ZFHX3: variants seen among roughly 807,000 people sequenced by gnomAD.
ZFHX3 encodes zinc finger homeobox 3, also known as zinc finger homeobox protein 3.
A neutral mutation model predicts 279.1 loss-of-function variants in ZFHX3; 42 were observed. That is an observed-to-expected ratio of 0.15 (90% CI 0.12 to 0.19). ZFHX3 has a LOEUF of 0.19. Among genes scored for constraint, ZFHX3 ranks in the 10% least tolerant of loss-of-function variants. ZFHX3 has a pLI of 1.00. For synonymous variants in ZFHX3, 2,293 were observed against 1,957.8 expected (o/e 1.17, Z -4.52); for missense variants, 4,981 against 4,754.0 (o/e 1.05, Z -1.40).
intron 8 of ZFHX3, among the ~76,000 whole-genome samples, chr16:73,087,128 T>C (rs1277778552): frequency 6.6e-6 from 1 of 152,132 alleles, no homozygotes; most frequent in East Asian, 1.9e-4. Flanking sequence ...CTAAAAACTT[T>C]TAAAAATTTA....
intron 3 of ZFHX3, among the ~76,000 whole-genome samples, chr16:72,940,143 C>T (rs965292422): frequency 1.3e-5 from 2 of 152,052 alleles, no homozygotes; most frequent in African/African-American, 2.4e-5. Flanking sequence ...AACTCCCGGG[C>T]TCAAGTGGTT....
intron 1 of ZFHX3, among the ~76,000 whole-genome samples, chr16:73,867,240 C>G (rs985579938): frequency 1.3e-5 from 2 of 152,152 alleles, no homozygotes; most frequent in Non-Finnish European, 2.9e-5. Flanking sequence ...CGTGAGCTAT[C>G]TCATGCAATG....
chr16:73,278,211 T>C (rs1332216481), intron 4 of ZFHX3, among the ~76,000 whole-genome samples: 1 of 152,234 alleles, frequency 6.6e-6, no homozygotes, highest in Non-Finnish European at 1.5e-5. Context: ...TAAATAATTA[T>C]ACTGATATTC....
At position 72,798,629 on chromosome 16, in the gene ZFHX3, T is replaced by G. The variant is rs1378154107; in HGVS notation, c.4053A>C (p.Pro1351=). The change falls in exon 9 of 10, where the codon CCA becomes CCC. Residue 1351 remains proline, a synonymous_variant. Coordinates refer to ENST00000268489, the MANE Select transcript of ZFHX3 (RefSeq NM_006885.4). ...SGDLKPSPAD[P]GSVREDSGFI... is the part of the protein sequence containing the mutation. Reference sequence around the variant, plus strand: ...AGCCTGAGTCTTCTCTCACAGAGCCTGGGTCAGCAGGGGATGGTTTCAAAT... The same window carrying G: ...AGCCTGAGTCTTCTCTCACAGAGCCGGGGTCAGCAGGGGATGGTTTCAAAT... The G allele has an allele frequency of 6.2e-7, 1 of 1,613,914 alleles. No homozygotes were observed. Among genetic ancestry groups the G allele is most frequent in the Non-Finnish European group, 8.5e-7 (1 of 1,179,996 alleles).
At chr16:73,192,354 C>A (rs753528843) in intron 5 of ZFHX3, among the ~76,000 whole-genome samples, 2 of 152,132 alleles carry the variant, frequency 1.3e-5, no homozygotes, top group Non-Finnish European at 2.9e-5. Context: ...CCAAACCACC[C>A]GCCGCCCTGG....
At chr16:73,605,222 C>G (rs2052165338) in intron 2 of ZFHX3, among the ~76,000 whole-genome samples, 1 of 152,194 alleles carries the variant, frequency 6.6e-6, no homozygotes, top group African/African-American at 2.4e-5. Flanking sequence ...ACTGTCTCCT[C>G]TGGTGTCTTT....
At chr16:73,057,446 A>C (rs1273056979) in intron 1 of ZFHX3, among the ~76,000 whole-genome samples, 2 of 152,106 alleles carry the variant, frequency 1.3e-5, no homozygotes, top group Non-Finnish European at 2.9e-5. Context: ...CATAATGTAA[A>C]ATTCAGGAAC....
At chr16:73,671,654 C>T (rs1368510710) in intron 2 of ZFHX3, among the ~76,000 whole-genome samples, 1 of 152,158 alleles carries the variant, frequency 6.6e-6, no homozygotes, top group Non-Finnish European at 1.5e-5. Context: ...AAGGAGTAGT[C>T]AATATTTTAA....
chr16:73,758,866 G>A (rs1943599834), intron 1 of ZFHX3, among the ~76,000 whole-genome samples: 1 of 152,130 alleles, frequency 6.6e-6, no homozygotes, highest in Non-Finnish European at 1.5e-5. Context: ...TATATCATTG[G>A]ATCTTCACCT....
At chr16:72,866,570 A>G (rs1035933615) in intron 4 of ZFHX3, among the ~76,000 whole-genome samples, 3 of 152,264 alleles carry the variant, frequency 2.0e-5, no homozygotes, top group African/African-American at 7.2e-5. Flanking sequence ...GCTGGGATCT[A>G]AACTCCTATG....
chr16:73,280,638 T>C (rs902312796), intron 4 of ZFHX3, among the ~76,000 whole-genome samples: 1 of 152,006 alleles, frequency 6.6e-6, no homozygotes, highest in Non-Finnish European at 1.5e-5. Flanking sequence ...AGGAAAACCT[T>C]GTATATTACT....
intron 1 of ZFHX3, among the ~76,000 whole-genome samples, chr16:73,692,347 C>G (rs1242793555): frequency 2.0e-5 from 3 of 152,116 alleles, no homozygotes; most frequent in African/African-American, 7.2e-5. Flanking sequence ...CAGAAGAGAA[C>G]CCAAGGACCA....
chr16:72,884,613 C>T (rs192002538), intron 4 of ZFHX3, among the ~76,000 whole-genome samples: 3 of 151,980 alleles, frequency 2.0e-5, no homozygotes, highest in Admixed American at 6.5e-5. Flanking sequence ...TAGGACAAGG[C>T]GAGTAAGAGA....
At chr16:73,780,573 G>A (rs1459952015) in intron 1 of ZFHX3, among the ~76,000 whole-genome samples, 1 of 151,006 alleles carries the variant, frequency 6.6e-6, no homozygotes, top group Non-Finnish European at 1.5e-5. Context: ...CTCCCAAGGA[G>A]CTGGATTACA....
chr16:72,890,811 C>T lies in ZFHX3; in HGVS notation c.3217-849G>A, dbSNP rs1411807859. Among the ~76,000 whole-genome samples, 7 of 152,376 alleles carry T rather than the reference C, an allele frequency of 4.6e-5. No homozygotes were observed. The East Asian group carries it at 7.7e-4, about 17-fold the overall frequency. On this transcript the variant is annotated intron_variant, in intron 3 of 9. Coordinates refer to ENST00000268489, the MANE Select transcript of ZFHX3 (RefSeq NM_006885.4). ...ATAAAGTTTTATTGGAACACAGCCA[C>T]GTCCATTGATTTACATACTGTCTAT...
chr16:73,189,680 T>G (rs1488506604), intron 5 of ZFHX3, among the ~76,000 whole-genome samples: 2 of 152,202 alleles, frequency 1.3e-5, no homozygotes, highest in Admixed American at 1.3e-4. Context: ...ATCTCTCCTT[T>G]CACCTCTCTT....
At chr16:73,721,721 A>G (rs570651543) in intron 1 of ZFHX3, among the ~76,000 whole-genome samples, 1 of 152,278 alleles carries the variant, frequency 6.6e-6, no homozygotes, top group Non-Finnish European at 1.5e-5. Context: ...GTTCATGCCT[A>G]AGGGAAATTA....
intron 3 of ZFHX3, among the ~76,000 whole-genome samples, chr16:73,365,908 A>G (rs2016521303): frequency 6.6e-6 from 1 of 152,228 alleles, no homozygotes; most frequent in Non-Finnish European, 1.5e-5. Context: ...AGATGTATCT[A>G]CAAGAGTGGA....
chr16:73,667,218 T>C (rs2101066), intron 2 of ZFHX3, among the ~76,000 whole-genome samples: 74,542 of 151,894 alleles, frequency 0.49, 20,308 homozygotes, highest in East Asian at 0.81. Context: ...TCTCGAACTC[T>C]TGACCTTGTG....
Sources: gnomAD v4.1 joint callset for allele counts (sites outside exome capture counted in the v4.1 genomes callset) on GRCh38, gnomAD v4.1.1 for gene constraint, MANE v1.5 for transcripts, NCBI Gene and HGNC (gene_info 2026-07-23, HGNC 2026-07-21) for gene names.